The following LITAF variants were observed in gnomAD, a reference collection of about 807,000 sequenced individuals.
LITAF encodes lipopolysaccharide induced TNF factor, also known as lipopolysaccharide-induced tumor necrosis factor-alpha factor.
Under a neutral mutation model 14.5 loss-of-function variants are expected in LITAF, and 9 were observed. The ratio of observed to expected loss-of-function variants is 0.62; its 90% CI spans 0.37 to 1.08. The LOEUF (loss-of-function observed/expected upper bound fraction) is 1.08, where lower values mean the gene tolerates loss of function less well. LITAF is among the 50% of genes least tolerant of loss of function. The pLI, the probability that LITAF is intolerant of heterozygous loss-of-function variation, is 0.01. For synonymous variants in LITAF, 98 were observed against 88.2 expected, an observed-to-expected ratio of 1.11 and a Z score of -0.62; for missense variants, 206 against 213.4, an observed-to-expected ratio of 0.97 and a Z score of 0.22.
chr16:11,604,900 G>A (rs542562836), intron 3 of LITAF, among the ~76,000 whole-genome samples: 1 of 152,082 alleles, frequency 6.6e-6, no homozygotes, highest in African/African-American at 2.4e-5. Flanking sequence ...ACCCACCCAC[G>A]CCTGTTCAAG....
chr16:11,599,130 G>C (rs755178718), upstream of LITAF, among the ~76,000 whole-genome samples: 1 of 143,962 alleles, frequency 6.9e-6, no homozygotes, highest in African/African-American at 2.6e-5. Context: ...TTTTATGGGG[G>C]GGTGGGGGGA....
rs114256369 is a variant in LITAF, at chr16:11,613,108, C to T, written c.85+20425G>A. 7.6e-3 allele frequency among the ~76,000 whole-genome samples: 1,164 copies of T among 152,158 alleles called. 10 individuals carry two copies. The highest frequency in any genetic ancestry group is 0.026 in the African/African-American group (1,089 of 41,512). On this transcript the variant is annotated intron_variant, in intron 3 of 3. Transcript: ENST00000574848. ...AGGCTGGAGTGCAGTGGTACAATGT[C>T]GACTCACTGTAACCTCCATCTCCTG...
intron 1 of LITAF, among the ~76,000 whole-genome samples, chr16:11,578,498 T>C (rs2141822221): frequency 1.3e-5 from 2 of 152,336 alleles, no homozygotes; most frequent in Middle Eastern, 6.8e-3. Context: ...ACCATTGCAC[T>C]GTAGCCTGGG....
chr16:11,562,532 ACTTGGGATAT>A (rs1397660351), intron 1 of LITAF, among the ~76,000 whole-genome samples: 4 of 152,078 alleles, frequency 2.6e-5, no homozygotes, highest in Non-Finnish European at 5.9e-5. Flanking sequence ...TAAATATGCC[ACTTGGGATAT>A]CTTGGGGTCC....
upstream of LITAF, among the ~76,000 whole-genome samples, chr16:11,638,482 C>CACG (rs1334493761): frequency 6.6e-6 from 1 of 151,852 alleles, no homozygotes; most frequent in Non-Finnish European, 1.5e-5. Context: ...GCAGGCGCAT[C>CACG]ACGAGATCAG....
intron 1 of LITAF, among the ~76,000 whole-genome samples, chr16:11,568,194 G>A (rs2064485303): frequency 6.6e-6 from 1 of 150,484 alleles, no homozygotes; most frequent in South Asian, 2.1e-4. Context: ...AAGCTCAGTG[G>A]GGAGGATCAC....
At chr16:11,639,098 G>A (rs1385619049), upstream of LITAF, among the ~76,000 whole-genome samples, 3 of 151,460 alleles carry the variant, frequency 2.0e-5, no homozygotes, top group African/African-American at 7.3e-5. Flanking sequence ...AAACAAATGG[G>A]TAGAGGTTAG....
chr16:11,629,590 C>T (rs911997692), intron 3 of LITAF, among the ~76,000 whole-genome samples: 12 of 152,206 alleles, frequency 7.9e-5, no homozygotes, highest in East Asian at 3.9e-4. Context: ...GAGCAGTCAG[C>T]GGCCACACTC....
chr16:11,594,655 C>T (rs1417778164), intron 1 of LITAF, among the ~76,000 whole-genome samples: 1 of 152,108 alleles, frequency 6.6e-6, no homozygotes, highest in Non-Finnish European at 1.5e-5. Flanking sequence ...GCAGGTGGAT[C>T]GCTTGAGGCT....
At chr16:11,588,217 G>C (rs1459804796), upstream of LITAF, among the ~76,000 whole-genome samples, 1 of 152,158 alleles carries the variant, frequency 6.6e-6, no homozygotes, top group East Asian at 1.9e-4. Context: ...TGAAGGGGGC[G>C]GGTGCAGTGG....
chr16:11,634,255 A>C lies in LITAF; in HGVS notation c.-20-618T>G. ...GCCTTTCACCTCCAAACTGCTCTTC[A>C]TCATTCCTGGACTTGGGCCAAACTA... is the stretch of plus-strand genomic sequence containing the variant. On this transcript the variant is annotated intron_variant, in intron 2 of 3. Coordinates refer to the LITAF transcript ENST00000574848. This position sits in a 1 kb window ranked among gnomAD's most constrained non-coding sequence, Gnocchi z 4.1. Among the ~76,000 whole-genome samples the C allele has an allele frequency of 6.6e-6, 1 of 152,302 alleles. No individual in the cohort carries two copies. Among genetic ancestry groups the C allele is most frequent in the African/African-American group, 2.4e-5 (1 of 41,566 alleles).
rs1056831698 is a variant in LITAF at position 11,586,732 on chromosome 16, C to T, written c.-6+154G>A. Among the ~76,000 whole-genome samples the T allele has an allele frequency of 5.9e-5, 9 of 151,570 alleles. No homozygotes were observed. Among genetic ancestry groups the T allele is most frequent in the African/African-American group, 1.9e-4 (8 of 41,372 alleles). On this transcript the variant is annotated intron_variant, in intron 1 of 3. Transcript: ENST00000622633. This position sits in a 1 kb window ranked among gnomAD's most constrained non-coding sequence, Gnocchi z 6.5. ...CCGGGCCCCCACGCCCTCCGCCGCG[C>T]CTCGATGCCCGCGACCCGACCCGCG...
In LITAF at chr16:11,551,773, G is replaced by A. The variant is rs57456743; in HGVS notation, c.377+1760C>T. 13,439 of 684,700 alleles carry A rather than the reference G, an allele frequency of 0.02. 617 individuals are homozygous for A. Among genetic ancestry groups the A allele is most frequent in the African/African-American group, 0.14 (7,771 of 55,700 alleles). 42.4% of individuals were successfully genotyped at this position (684,700 alleles called of 1,614,324 possible). Reference sequence around the variant, plus strand: ...CAGGAGCCCAGGAGATCAAAGCTGCGGAGAGCTACGATCGTACCACTGCAC... The same window carrying A: ...CAGGAGCCCAGGAGATCAAAGCTGCAGAGAGCTACGATCGTACCACTGCAC... On this transcript the variant is annotated intron_variant, in intron 3 of 3. Transcript: ENST00000622633.
intron 3 of LITAF, among the ~76,000 whole-genome samples, chr16:11,551,104 G>A (rs1045799498): frequency 1.7e-4 from 26 of 152,164 alleles, no homozygotes; most frequent in Non-Finnish European, 1.8e-4. Context: ...ACCAATGTTT[G>A]CCAAAAATGG....
chr16:11,623,671 A>AT (rs1488593761), intron 3 of LITAF, among the ~76,000 whole-genome samples: 1 of 147,848 alleles, frequency 6.8e-6, no homozygotes, highest in Non-Finnish European at 1.5e-5. Context: ...AAAAAAAAAA[A>AT]GGATCTCTCT....
rs1022737183 is a variant in LITAF at position 11,634,689 on chromosome 16, C to T, written c.-20-1052G>A. On this transcript the variant is annotated intron_variant, in intron 2 of 3. Transcript: ENST00000574848. The surrounding 1 kb of genome is among the most constrained non-coding windows in gnomAD (Gnocchi z 4.1). ...CCCATTCCCTGGCCAGACGAACTAT[C>T]CTTGAAAAACCCTAGCCTCTGAATT... Among the ~76,000 whole-genome samples the T allele has an allele frequency of 6.6e-6, 1 of 152,154 alleles. No individual in the cohort carries two copies. The highest frequency in any genetic ancestry group is 2.4e-5 in the African/African-American group (1 of 41,430).
In LITAF at chr16:11,553,367, C is replaced by G; in HGVS notation, c.377+166G>C. 1 of 719,462 alleles carries G rather than the reference C, an allele frequency of 1.4e-6. No individual in the cohort carries two copies. The highest frequency in any genetic ancestry group is 2.3e-6 in the Non-Finnish European group (1 of 425,970). The allele number at this position is 719,462 out of a possible 1,614,324, so 44.6% of individuals were successfully genotyped here. A position where few individuals can be genotyped will look rare whatever the true frequency, so the allele number is the denominator to read the frequency against. On this transcript the variant is annotated intron_variant, in intron 3 of 3. Transcript: ENST00000622633. This position sits in a 1 kb window ranked among gnomAD's most constrained non-coding sequence, Gnocchi z 7.7. ...TGGGGGTTACAGTGAGCCGAGATCG[C>G]CCCACTGTACTCCAGCCTGGGCGAC...
chr16:11,595,999 T>G (rs2064882585), intron 1 of LITAF, among the ~76,000 whole-genome samples: 1 of 152,078 alleles, frequency 6.6e-6, no homozygotes, highest in South Asian at 2.1e-4. Flanking sequence ...GGACAGGATA[T>G]CCCAGTGAGC....
chr16:11,559,692 C>A (rs2064328807), intron 1 of LITAF, among the ~76,000 whole-genome samples: 1 of 151,146 alleles, frequency 6.6e-6, no homozygotes, highest in African/African-American at 2.4e-5. Context: ...TTTCTTTGTA[C>A]CTTTCAAAAT....
Sources: gnomAD v4.1 joint callset for allele counts (sites outside exome capture counted in the v4.1 genomes callset) on GRCh38, gnomAD v4.1.1 for gene constraint, Gnocchi (gnomAD v3.1) non-coding constraint, MANE v1.5 for transcripts, NCBI Gene and HGNC (gene_info 2026-07-23, HGNC 2026-07-21) for gene names.